CABP7: variants seen among roughly 807,000 people sequenced by gnomAD.
The protein encoded by CABP7 is calcium binding protein 7, also known as calcium-binding protein 7.
Under a neutral mutation model 23.1 loss-of-function variants are expected in CABP7, and 13 were observed. That is an observed-to-expected ratio of 0.56 (90% CI 0.37 to 0.90). CABP7 has a LOEUF of 0.90. Among genes scored for constraint, CABP7 ranks in the 40% least tolerant of loss-of-function variants. CABP7 has a pLI of 0.01. For synonymous variants in CABP7, 123 were observed against 115.3 expected (o/e 1.07, Z -0.43); for missense variants, 248 against 295.6 (o/e 0.84, Z 1.18).
chr22:29,720,670 AG>A lies in CABP7; in HGVS notation c.109+138del. 1 of 473,232 alleles carries A rather than the reference AG, an allele frequency of 2.1e-6. No individual in the cohort carries two copies. The highest frequency in any genetic ancestry group is 3.1e-5 in the South Asian group (1 of 32,780). 29.3% of individuals were successfully genotyped at this position (473,232 alleles called of 1,614,324 possible). A position where few individuals can be genotyped will look rare whatever the true frequency, so the allele number is the denominator to read the frequency against. On this transcript the variant is annotated intron_variant, in intron 1 of 4. Transcript: ENST00000216144. The surrounding 1 kb of genome is among the most constrained non-coding windows in gnomAD (Gnocchi z 5.2). Reference sequence around the variant, plus strand: ...TTGCCAGGTGGGCGCCCCAGCTAGCAGCTGTGCCCCGCGGCAAGACCTGTCC... The same window carrying A: ...TTGCCAGGTGGGCGCCCCAGCTAGCACTGTGCCCCGCGGCAAGACCTGTCC...
Position 29,720,721 on chromosome 22 carries a change from G to A in CABP7, c.109+188G>A, listed in dbSNP as rs958965925. Among the ~76,000 whole-genome samples, 10 of 151,658 alleles carry A rather than the reference G, an allele frequency of 6.6e-5. No homozygotes were observed. The highest frequency in any genetic ancestry group is 2.2e-4 in the African/African-American group (9 of 41,480). On this transcript the variant is annotated intron_variant, in intron 1 of 4. Transcript: ENST00000216144. The surrounding 1 kb of genome is among the most constrained non-coding windows in gnomAD (Gnocchi z 5.2). ...CGCACCCCGGGGCGCCGCGGTGGGGGTCGCTCAGGCGGAGAGCGGCCCAGC... is the reference window on the plus strand; with the variant it reads ...CGCACCCCGGGGCGCCGCGGTGGGGATCGCTCAGGCGGAGAGCGGCCCAGC...
In CABP7 at chr22:29,731,019, G is replaced by A. The variant is rs1245883295; in HGVS notation, c.*1450G>A. ...TCTCCCCCATCTTCTTAAGAAGCAG[G>A]GGGGCAGGTGGAGGAGAGTGAGGGG... On this transcript the variant is annotated 3_prime_UTR_variant, in exon 5 of 5. Transcript: ENST00000216144. The A allele has an allele frequency of 2.2e-6, 1 of 455,750 alleles. No homozygotes were observed. Among genetic ancestry groups the A allele is most frequent in the Non-Finnish European group, 3.8e-6 (1 of 262,992 alleles). 28.2% of individuals were successfully genotyped at this position (455,750 alleles called of 1,614,324 possible).
rs1173572019 is a variant in CABP7 at position 29,727,498 on chromosome 22, G to A, written c.110-164G>A. Among the ~76,000 whole-genome samples the A allele has an allele frequency of 6.6e-6, 1 of 152,152 alleles. No individual in the cohort carries two copies. Among genetic ancestry groups the A allele is most frequent in the Non-Finnish European group, 1.5e-5 (1 of 68,036 alleles). On this transcript the variant is annotated intron_variant, in intron 1 of 4. Transcript: ENST00000216144. The surrounding 1 kb of genome is among the most constrained non-coding windows in gnomAD (Gnocchi z 4.2). ...AGCCTGCCCAGAGGTCCCAGAATACGGCACCCTTGTGCACCCTCGGGCCAT... is the reference window on the plus strand; with the variant it reads ...AGCCTGCCCAGAGGTCCCAGAATACAGCACCCTTGTGCACCCTCGGGCCAT...
intron 1 of CABP7, among the ~76,000 whole-genome samples, chr22:29,723,572 GAC>G (rs960470456): frequency 6.6e-6 from 1 of 152,230 alleles, no homozygotes; most frequent in African/African-American, 2.4e-5. Context: ...CCTCCAGGCA[GAC>G]AGTCCCCAGG....
intron 1 of CABP7, among the ~76,000 whole-genome samples, chr22:29,724,407 T>C (rs1468530355): frequency 6.6e-6 from 1 of 152,254 alleles, no homozygotes; most frequent in Non-Finnish European, 1.5e-5. Flanking sequence ...TGGGACATTC[T>C]GATTTATAGC....
chr22:29,724,324 C>G (rs1002276016), intron 1 of CABP7, among the ~76,000 whole-genome samples: 1 of 152,202 alleles, frequency 6.6e-6, no homozygotes, highest in Non-Finnish European at 1.5e-5. Context: ...CTGGTCCCAG[C>G]GACCGCCAAC....
At position 29,729,136 on chromosome 22, in the gene CABP7, A is replaced by G. The variant is rs2067818146; in HGVS notation, c.448A>G (p.Ile150Val). The change falls in exon 4 of 5, where the codon ATA becomes GTA. Residue 150 changes from isoleucine to valine, a missense_variant. By Grantham distance (29) the Ile-to-Val change is conservative (BLOSUM62 3). Coordinates refer to ENST00000216144, the MANE Select transcript of CABP7 (RefSeq NM_182527.3). ...TFCEHLSMKD[I>V]ENIIMTEEES... ...CTGCGAGCACCTGTCCATGAAGGACATAGAGAACATCATCATGACGGAGGA... is the reference window on the plus strand; with the variant it reads ...CTGCGAGCACCTGTCCATGAAGGACGTAGAGAACATCATCATGACGGAGGA... 1 of 1,611,696 alleles carries G rather than the reference A, an allele frequency of 6.2e-7. No individual in the cohort carries two copies. Among genetic ancestry groups the G allele is most frequent in the Admixed American group, 1.7e-5 (1 of 60,026 alleles).
At chr22:29,726,199 C>T (rs2067794560) in intron 1 of CABP7, among the ~76,000 whole-genome samples, 1 of 152,152 alleles carries the variant, frequency 6.6e-6, no homozygotes, top group South Asian at 2.1e-4. Context: ...GTCTGGGGGC[C>T]CAGGCAACCC....
intron 4 of CABP7, 89 bp downstream of exon 4, chr22:29,729,297 T>TG: frequency 6.4e-7 from 1 of 1,560,466 alleles, no homozygotes; most frequent in Admixed American, 1.7e-5. Flanking sequence ...AGAGGGGGGC[T>TG]GGGGGCCTCC....
In CABP7 at chr22:29,725,827, G is replaced by A. The variant is rs117164571; in HGVS notation, c.110-1835G>A. ...ATGGAGTTCAGGACACCTGGGGTGG[G>A]CAGAACATGTGGCCGGGCGAGGAGG... On this transcript the variant is annotated intron_variant, in intron 1 of 4. Coordinates refer to ENST00000216144, the MANE Select transcript of CABP7 (RefSeq NM_182527.3). Among the ~76,000 whole-genome samples, 192 of 152,322 alleles carry A rather than the reference G, an allele frequency of 1.3e-3. 4 individuals carry two copies. The East Asian group carries it at 0.032, about 26-fold the overall frequency.
At position 29,720,357 on chromosome 22, in the gene CABP7, G is replaced by A. The variant is rs1360833604; in HGVS notation, c.-68G>A. 4.4e-5 allele frequency: 42 copies of A among 960,118 alleles called. No homozygotes were observed. The highest frequency in any genetic ancestry group is 5.3e-5 in the Non-Finnish European group (39 of 733,796). The allele number at this position is 960,118 out of a possible 1,614,324, so 59.5% of individuals were successfully genotyped here. A position where few individuals can be genotyped will look rare whatever the true frequency, so the allele number is the denominator to read the frequency against. ...CCCCGCCCGCTCCAGCCGCCCCCGG[G>A]GCCGCCACCGGCCCATGAGCCCCGG... is the stretch of plus-strand genomic sequence containing the variant. On this transcript the variant is annotated 5_prime_UTR_variant, in exon 1 of 5. Coordinates refer to ENST00000216144, the MANE Select transcript of CABP7 (RefSeq NM_182527.3). This position sits in a 1 kb window ranked among gnomAD's most constrained non-coding sequence, Gnocchi z 5.2.
chr22:29,724,675 G>A (rs1009540854), intron 1 of CABP7, among the ~76,000 whole-genome samples: 6 of 152,178 alleles, frequency 3.9e-5, no homozygotes, highest in African/African-American at 2.4e-5. Flanking sequence ...GCACCAAGGT[G>A]AGACTTTGTG....
chr22:29,729,228 A>C lies in CABP7; in HGVS notation c.520+20A>C. ...TGGAGAGTGAGTGGCTGGCCCTGGA[A>C]CCCCACGGGTGGGCCCAGTGACTTG... On this transcript the variant is annotated intron_variant, in intron 4 of 4. Coordinates refer to ENST00000216144, the MANE Select transcript of CABP7 (RefSeq NM_182527.3). The C allele has an allele frequency of 6.3e-7, 1 of 1,591,544 alleles. No individual in the cohort carries two copies. The highest frequency in any genetic ancestry group is 8.6e-7 in the Non-Finnish European group (1 of 1,169,376).
chr22:29,729,811 G>A lies in CABP7; in HGVS notation c.*242G>A. On this transcript the variant is annotated 3_prime_UTR_variant, in exon 5 of 5. Transcript: ENST00000216144. Reference sequence around the variant, plus strand: ...CCAGCCCCACCCTGTCCCCACCCTGGCCTGTAAGGAGCACTCACTCTTCCT... The same window carrying A: ...CCAGCCCCACCCTGTCCCCACCCTGACCTGTAAGGAGCACTCACTCTTCCT... 1.8e-6 allele frequency: 1 copy of A among 562,376 alleles called. No individual in the cohort carries two copies. Among genetic ancestry groups the A allele is most frequent in the Non-Finnish European group, 3.2e-6 (1 of 316,566 alleles). 34.8% of individuals were successfully genotyped at this position (562,376 alleles called of 1,614,324 possible).
intron 1 of CABP7, among the ~76,000 whole-genome samples, chr22:29,725,329 T>C (rs147302271): frequency 6.6e-6 from 1 of 152,300 alleles, no homozygotes; most frequent in Non-Finnish European, 1.5e-5. Flanking sequence ...GTTCGTGGGC[T>C]CTGAGTAGCG....
intron 1 of CABP7, among the ~76,000 whole-genome samples, chr22:29,726,711 C>T (rs998887419): frequency 2.0e-5 from 3 of 152,206 alleles, no homozygotes; most frequent in African/African-American, 7.2e-5. Flanking sequence ...AACAAGGAGA[C>T]CCCCGGGAGC....
At position 29,727,209 on chromosome 22, in the gene CABP7, T is replaced by TTAAGGATCTAAGGATC. The variant is rs140093; in HGVS notation, c.110-452_110-437dup. ...TGCCATTAGCAAGTGTTGGCCGGTGTTAAGGATCTAAGGATCCGAGCCTGG... is the reference window on the plus strand; with the variant it reads ...TGCCATTAGCAAGTGTTGGCCGGTGTTAAGGATCTAAGGATCTAAGGATCTAAGGATCCGAGCCTGG... On this transcript the variant is annotated intron_variant, in intron 1 of 4. Transcript: ENST00000216144. The surrounding 1 kb of genome is among the most constrained non-coding windows in gnomAD (Gnocchi z 4.2). 6.6e-6 allele frequency among the ~76,000 whole-genome samples: 1 copy of TTAAGGATCTAAGGATC among 150,408 alleles called. No homozygotes were observed. The highest frequency in any genetic ancestry group is 2.1e-4 in the South Asian group (1 of 4,740).
chr22:29,728,472 T>C (rs1480841073), intron 2 of CABP7, among the ~76,000 whole-genome samples, 158 bp from the exon 3 acceptor site: 1 of 152,190 alleles, frequency 6.6e-6, no homozygotes, highest in Non-Finnish European at 1.5e-5. Context: ...ACTTGGTAGA[T>C]GCCCCTGACA....
chr22:29,727,437 C>A lies in CABP7; in HGVS notation c.110-225C>A. Among the ~76,000 whole-genome samples, 1 of 152,216 alleles carries A rather than the reference C, an allele frequency of 6.6e-6. No homozygotes were observed. Among genetic ancestry groups the A allele is most frequent in the Non-Finnish European group, 1.5e-5 (1 of 68,038 alleles). On this transcript the variant is annotated intron_variant, in intron 1 of 4. Transcript: ENST00000216144. This position sits in a 1 kb window ranked among gnomAD's most constrained non-coding sequence, Gnocchi z 4.2. ...GCAATCAGATCCCAAGAGGTCACTGCTGGGGGGCCTTGAGCCCTGCTTTAC... is the reference window on the plus strand; with the variant it reads ...GCAATCAGATCCCAAGAGGTCACTGATGGGGGGCCTTGAGCCCTGCTTTAC...
Sources: allele counts gnomAD v4.1 joint callset (sites outside exome capture counted in the v4.1 genomes callset), GRCh38; gene constraint gnomAD v4.1.1; non-coding constraint Gnocchi (gnomAD v3.1); transcripts MANE v1.5; gene names NCBI Gene and HGNC (gene_info 2026-07-23, HGNC 2026-07-21).